Variants in CPQ observed in about 807,000 individuals in gnomAD.
CPQ encodes Ser-Met dipeptidase.
CPQ carries 37 observed loss-of-function variants against 45.7 expected under a neutral mutation model. That is an observed-to-expected ratio of 0.81 (90% CI 0.62 to 1.07). CPQ has a LOEUF of 1.07. Among genes scored for constraint, CPQ ranks in the 50% least tolerant of loss-of-function variants. The pLI, the probability that CPQ is intolerant of heterozygous loss-of-function variation, is 0.00. For synonymous variants in CPQ, 186 were observed against 205.8 expected (o/e 0.90, Z 0.82); for missense variants, 537 against 572.9 (o/e 0.94, Z 0.64).
intron 5 of CPQ, among the ~76,000 whole-genome samples, chr8:97,025,467 GAACC>G (rs1042300129): frequency 2.0e-5 from 3 of 152,154 alleles, no homozygotes; most frequent in Non-Finnish European, 4.4e-5. Flanking sequence ...ATTTATAGGA[GAACC>G]GACTGCCTCT....
At chr8:97,090,309 G>A (rs537935330) in intron 7 of CPQ, among the ~76,000 whole-genome samples, 10 of 152,216 alleles carry the variant, frequency 6.6e-5, no homozygotes, top group South Asian at 2.1e-4. Flanking sequence ...GACAAATGTC[G>A]AGGCACTACC....
intron 6 of CPQ, among the ~76,000 whole-genome samples, chr8:97,056,756 C>T (rs1382852423): frequency 2.0e-5 from 3 of 152,154 alleles, no homozygotes; most frequent in African/African-American, 7.2e-5. Flanking sequence ...GTCATCTGTT[C>T]ATTTGACAAG....
At chr8:96,853,249 TG>T (rs1811795946) in intron 3 of CPQ, among the ~76,000 whole-genome samples, 1 of 152,172 alleles carries the variant, frequency 6.6e-6, no homozygotes, top group South Asian at 2.1e-4. Context: ...GTGTGATTTT[TG>T]GGGGCGCATA....
At position 97,119,920 on chromosome 8, in the gene CPQ, C is replaced by T. The variant is rs370995255; in HGVS notation, c.1256-23100C>T. On this transcript the variant is annotated intron_variant, in intron 7 of 7. Transcript: ENST00000220763. ...TAGTCCATGATCAAGACAGAGGGGCCTTCTGGGCACATGAGGAGGGACAAG... is the reference window on the plus strand; with the variant it reads ...TAGTCCATGATCAAGACAGAGGGGCTTTCTGGGCACATGAGGAGGGACAAG... Among the ~76,000 whole-genome samples, 8 of 152,280 alleles carry T rather than the reference C, an allele frequency of 5.3e-5. No individual in the cohort carries two copies. The East Asian group carries it at 1.2e-3, about 22-fold the overall frequency.
chr8:96,882,002 A>G (rs1281375658), intron 4 of CPQ, among the ~76,000 whole-genome samples: 1 of 152,240 alleles, frequency 6.6e-6, no homozygotes. Flanking sequence ...TGACAGCATC[A>G]GTGGGATGAA....
chr8:96,829,219 T>C (rs975832965), intron 2 of CPQ, among the ~76,000 whole-genome samples: 1 of 152,008 alleles, frequency 6.6e-6, no homozygotes, highest in Non-Finnish European at 1.5e-5. Context: ...ATAATTATAA[T>C]TTATTGTGCC....
intron 4 of CPQ, among the ~76,000 whole-genome samples, chr8:96,920,136 T>A (rs1010591441): frequency 6.6e-6 from 1 of 152,178 alleles, no homozygotes; most frequent in Admixed American, 6.5e-5. Context: ...GTTAATACAA[T>A]GCTGAGCGAA....
chr8:97,043,783 C>G (rs533714525), intron 6 of CPQ, among the ~76,000 whole-genome samples: 55 of 152,292 alleles, frequency 3.6e-4, no homozygotes, highest in Non-Finnish European at 4.9e-4. Flanking sequence ...TTTGAAAATT[C>G]TTTCCTTTAA....
At position 96,886,591 on chromosome 8, in the gene CPQ, G is replaced by A. The variant is rs141561252; in HGVS notation, c.849+6586G>A. Among the ~76,000 whole-genome samples, 588 of 152,328 alleles carry A rather than the reference G, an allele frequency of 3.9e-3. 4 individuals carry two copies. The highest frequency in any genetic ancestry group is 5.5e-3 in the Non-Finnish European group (371 of 68,030). ...CCTAGAGATTTAGTACAAACTCTAT[G>A]ACTTTCAGATTAGGAAAATTGACCA... On this transcript the variant is annotated intron_variant, in intron 4 of 7. Transcript: ENST00000220763.
rs189060043 is a variant in CPQ at position 96,963,516 on chromosome 8, G to T, written c.850-2419G>T. The stretch of plus-strand genomic sequence containing the variant: ...GTGGGAGATCGTGCAGCTGCTCAGT[G>T]AATCATTCAGTGCAAAGGGTCACCC... On this transcript the variant is annotated intron_variant, in intron 4 of 7. Transcript: ENST00000220763. 2.0e-5 allele frequency among the ~76,000 whole-genome samples: 3 copies of T among 152,298 alleles called. No individual in the cohort carries two copies. The East Asian group carries it at 5.8e-4, about 29-fold the overall frequency.
intron 2 of CPQ, among the ~76,000 whole-genome samples, chr8:96,820,436 G>A (rs1169810763): frequency 1.3e-5 from 2 of 151,876 alleles, no homozygotes; most frequent in Admixed American, 1.3e-4. Context: ...GGTAATAAAT[G>A]CATTTATATT....
At chr8:96,648,967 C>A (rs935651735) in intron 1 of CPQ, among the ~76,000 whole-genome samples, 1 of 152,142 alleles carries the variant, frequency 6.6e-6, no homozygotes, top group South Asian at 2.1e-4. Context: ...CTAGATAATC[C>A]TTTTCAGCAT....
At chr8:96,842,924 G>A (rs558538715) in intron 3 of CPQ, among the ~76,000 whole-genome samples, 1 of 152,184 alleles carries the variant, frequency 6.6e-6, no homozygotes, top group Admixed American at 6.5e-5. Flanking sequence ...GTTTTTCTGA[G>A]GCAGAGTTTT....
intron 4 of CPQ, among the ~76,000 whole-genome samples, chr8:96,957,905 C>A (rs915443790): frequency 1.3e-4 from 19 of 150,974 alleles, no homozygotes; most frequent in African/African-American, 4.4e-4. Context: ...GTGTTCATGG[C>A]TCACTGTAGC....
intron 1 of CPQ, among the ~76,000 whole-genome samples, chr8:96,663,227 C>T (rs750817616): frequency 5.9e-5 from 9 of 152,176 alleles, no homozygotes; most frequent in Non-Finnish European, 1.2e-4. Context: ...TGGAGCCCAG[C>T]AGAATAATGG....
chr8:96,712,419 G>C (rs1809618637), intron 1 of CPQ, among the ~76,000 whole-genome samples: 1 of 152,184 alleles, frequency 6.6e-6, no homozygotes, highest in South Asian at 2.1e-4. Context: ...CACCCTAGCA[G>C]AGGTTCTCCA....
chr8:97,071,434 C>T (rs1810741327), intron 7 of CPQ, among the ~76,000 whole-genome samples: 1 of 152,154 alleles, frequency 6.6e-6, no homozygotes, highest in Admixed American at 6.6e-5. Flanking sequence ...TTCTCCTCCT[C>T]CTCTGTCCCC....
chr8:96,986,564 C>T (rs1293448686), intron 5 of CPQ, among the ~76,000 whole-genome samples: 1 of 152,070 alleles, frequency 6.6e-6, no homozygotes, highest in Non-Finnish European at 1.5e-5. Flanking sequence ...CAAATCTAAG[C>T]CACTCATGAC....
At chr8:97,023,016 TAGTATATATATAC>T (rs71267289) in intron 5 of CPQ, among the ~76,000 whole-genome samples, 1 of 133,656 alleles carries the variant, frequency 7.5e-6, no homozygotes, top group African/African-American at 2.8e-5. Flanking sequence ...ATACTATATA[TAGTATATATATAC>T]AGTATATATA....
Sources: allele counts gnomAD v4.1 joint callset (sites outside exome capture counted in the v4.1 genomes callset), GRCh38; gene constraint gnomAD v4.1.1; transcripts MANE v1.5; gene names NCBI Gene and HGNC (gene_info 2026-07-23, HGNC 2026-07-21).